Variants in CCDC57 observed in about 807,000 individuals in gnomAD.
CCDC57 encodes coiled-coil domain-containing protein 57.
A neutral mutation model predicts 118.9 loss-of-function variants in CCDC57; 118 were observed. The observed-to-expected ratio is 0.99, with a 90% confidence interval of 0.86 to 1.16. CCDC57 has a LOEUF of 1.16. Ranked by LOEUF, CCDC57 falls within the 50% of genes most tolerant of loss-of-function variation. CCDC57 has a pLI of 0.00. For missense variants in CCDC57, 1,300 were observed against 1,320.7 expected, an observed-to-expected ratio of 0.98 and a Z score of 0.24; for synonymous variants, 527 against 532.9, an observed-to-expected ratio of 0.99 and a Z score of 0.15.
At chr17:82,125,087 G>A (rs928732571) in intron 19 of CCDC57, among the ~76,000 whole-genome samples, 1 of 152,180 alleles carries the variant, frequency 6.6e-6, no homozygotes, top group East Asian at 1.9e-4. Context: ...CGCCACATTC[G>A]TGATGCCAGC....
chr17:82,197,386 G>C (rs2048452345), intron 4 of CCDC57, among the ~76,000 whole-genome samples: 1 of 152,216 alleles, frequency 6.6e-6, no homozygotes, highest in African/African-American at 2.4e-5. Flanking sequence ...TAAATCTATA[G>C]GATGTCTTTC....
intron 19 of CCDC57, among the ~76,000 whole-genome samples, chr17:82,102,712 C>T (rs889639313): frequency 5.9e-5 from 9 of 151,894 alleles, no homozygotes; most frequent in Non-Finnish European, 1.2e-4. Context: ...GGTGAAACGC[C>T]GTCTCTACTA....
chr17:82,146,772 C>G (rs1568251705), intron 16 of CCDC57, among the ~76,000 whole-genome samples: 2 of 152,200 alleles, frequency 1.3e-5, no homozygotes, highest in African/African-American at 2.4e-5. Context: ...CACACAGTCT[C>G]ACATACAAAT....
intron 19 of CCDC57, chr17:82,126,439 C>T (rs1163708251): frequency 1.0e-6 from 1 of 981,420 alleles, no homozygotes; most frequent in Non-Finnish European, 1.2e-6. Flanking sequence ...GGCCTAATTT[C>T]TATCACATAT....
chr17:82,182,171 T>G (rs1277428147), intron 9 of CCDC57, among the ~76,000 whole-genome samples: 1 of 152,086 alleles, frequency 6.6e-6, no homozygotes, highest in East Asian at 1.9e-4. Flanking sequence ...TTTTTTCTTC[T>G]GCATTAGTTC....
intron 5 of CCDC57, among the ~76,000 whole-genome samples, chr17:82,195,057 C>T (rs2048136524): frequency 6.6e-6 from 1 of 152,386 alleles, no homozygotes; most frequent in East Asian, 1.9e-4. Context: ...AACTGGCACC[C>T]GGTGCCCACC....
chr17:82,205,487 C>T (rs1223357914), intron 2 of CCDC57, among the ~76,000 whole-genome samples: 2 of 152,198 alleles, frequency 1.3e-5, no homozygotes, highest in African/African-American at 4.8e-5. Context: ...AGACCGAGGA[C>T]ACGGCCCAGC....
chr17:82,141,777 G>A (rs570387956), intron 16 of CCDC57, among the ~76,000 whole-genome samples: 96 of 152,168 alleles, frequency 6.3e-4, no homozygotes, highest in African/African-American at 2.2e-3. Context: ...TCTGATGCCC[G>A]GGGAAAAAAC....
At chr17:82,178,360 AAAG>A (rs2146381988) in intron 11 of CCDC57, 111 bp downstream of exon 10, 2 of 1,285,152 alleles carry the variant, frequency 1.6e-6, no homozygotes, top group East Asian at 5.2e-5. Context: ...GGTCATTTAA[AAAG>A]AACACAACTG....
At chr17:82,161,281 A>G (rs1453998837) in intron 14 of CCDC57, among the ~76,000 whole-genome samples, 1 of 152,150 alleles carries the variant, frequency 6.6e-6, no homozygotes, top group Non-Finnish European at 1.5e-5. Context: ...TGCTGGGGAA[A>G]ACAGTGCGGT....
At chr17:82,193,611 G>T in intron 7 of CCDC57, 145 bp downstream of exon 6, 1 of 649,576 alleles carries the variant, frequency 1.5e-6, no homozygotes, top group South Asian at 2.0e-5. Context: ...AAAAGAAGGA[G>T]AAAGAAATCC....
chr17:82,126,502 C>T (rs914275390), intron 19 of CCDC57: 4 of 974,146 alleles, frequency 4.1e-6, no homozygotes, highest in African/African-American at 1.8e-5. Context: ...CACAAATGGG[C>T]AGGTAACTGA....
intron 13 of CCDC57, among the ~76,000 whole-genome samples, chr17:82,168,776 T>A: frequency 7.6e-6 from 1 of 131,340 alleles, no homozygotes; most frequent in African/African-American, 2.8e-5. Context: ...CGTAACAATA[T>A]AAGGGTCAAT....
chr17:82,179,520 G>A (rs1010159608), intron 9 of CCDC57, among the ~76,000 whole-genome samples: 12 of 152,128 alleles, frequency 7.9e-5, no homozygotes, highest in Non-Finnish European at 1.6e-4. Context: ...ACAAAGGAAC[G>A]GAGCTATGAA....
intron 17 of CCDC57, among the ~76,000 whole-genome samples, chr17:82,131,917 G>A (rs1310603996): frequency 6.6e-6 from 1 of 151,498 alleles, no homozygotes. Context: ...GGAATCCAAG[G>A]CCAGCCTGGG....
intron 9 of CCDC57, among the ~76,000 whole-genome samples, chr17:82,179,823 A>G (rs776125040): frequency 3.3e-5 from 5 of 152,238 alleles, no homozygotes; most frequent in Non-Finnish European, 5.9e-5. Context: ...TCCCACACGC[A>G]CACAGTAAGG....
intron 19 of CCDC57, among the ~76,000 whole-genome samples, chr17:82,108,058 C>T (rs115992699): frequency 7.4e-4 from 113 of 152,322 alleles, no homozygotes; most frequent in African/African-American, 2.6e-3. Context: ...CCCAATCCCA[C>T]GTGCCTCCTT....
intron 7 of CCDC57, 63 bp downstream of exon 6, chr17:82,193,693 C>A: frequency 6.9e-7 from 1 of 1,453,032 alleles, no homozygotes; most frequent in Non-Finnish European, 9.5e-7. Context: ...CACAATGGTT[C>A]CACTTCCCTC....
At position 82,204,635 on chromosome 17, in the gene CCDC57, T is replaced by C. The variant is rs550146203; in HGVS notation, c.-8-2683A>G. Among the ~76,000 whole-genome samples, 11 of 152,110 alleles carry C rather than the reference T, an allele frequency of 7.2e-5. No homozygotes were observed. The East Asian group carries it at 2.1e-3, about 29-fold the overall frequency. ...CGTCTCTACTAAAAATACAAAAAAT[T>C]AGCTGGGCGTGGTGGTGGGCGCCTG... On this transcript the variant is annotated intron_variant, in intron 2 of 19. Transcript: ENST00000665763.
Sources: allele counts gnomAD v4.1 joint callset (sites outside exome capture counted in the v4.1 genomes callset), GRCh38; gene constraint gnomAD v4.1.1; transcripts MANE v1.5; gene names NCBI Gene and HGNC (gene_info 2026-07-23, HGNC 2026-07-21).